SH3BP1: variants seen among roughly 807,000 people sequenced by gnomAD.
SH3BP1 encodes the protein SH3 domain-binding protein 1.
A neutral mutation model predicts 69.8 loss-of-function variants in SH3BP1; 46 were observed. The ratio of observed to expected loss-of-function variants is 0.66; its 90% CI spans 0.52 to 0.84. SH3BP1 has a LOEUF of 0.84. Ranked by LOEUF, SH3BP1 falls within the 40% of genes least tolerant of loss-of-function variation. The probability of loss-of-function intolerance (pLI) is 0.00; values close to 1 mark genes in which losing one functional copy is unlikely to be tolerated. For missense variants in SH3BP1, 868 were observed against 930.9 expected (o/e 0.93, Z 0.88); for synonymous variants, 403 against 378.0 (o/e 1.07, Z -0.77).
In SH3BP1 at chr22:37,647,497, C is replaced by T. The variant is rs1234809958; in HGVS notation, c.1175C>T (p.Pro392Leu). The change falls in exon 13 of 18, where the codon CCC becomes CTC. Residue 392 changes from proline to leucine, a missense_variant. This residue lies in a region of SH3BP1 where 474 missense variants were observed against 462.3 expected (regional missense o/e 1.03). Coordinates refer to ENST00000649765, the MANE Select transcript of SH3BP1 (RefSeq NM_018957.6). ...CTCCAAGAGGTGTGCAGCCGCCTAC[C>T]CCCCGAGAACCTCAGCAACCTCAGG... ...QALQEVCSRL[P>L]PENLSNLRYL... is the part of the protein sequence containing the mutation. 6.2e-7 allele frequency: 1 copy of T among 1,605,800 alleles called. No individual in the cohort carries two copies. Among genetic ancestry groups the T allele is most frequent in the Non-Finnish European group, 8.5e-7 (1 of 1,179,482 alleles).
chr22:37,648,055 A>T (rs1932814802), intron 13 of SH3BP1, among the ~76,000 whole-genome samples: 1 of 152,224 alleles, frequency 6.6e-6, no homozygotes, highest in African/African-American at 2.4e-5. Flanking sequence ...CTGGCTTCAC[A>T]TGCCACCTCT....
rs1379466552 is a variant in SH3BP1 at position 37,641,605 on chromosome 22, G to C, written c.207+127G>C. 1.9e-5 allele frequency: 14 copies of C among 754,278 alleles called. No individual in the cohort carries two copies. In the East Asian group the frequency reaches 3.8e-4, roughly 20 times the overall value. 46.7% of individuals were successfully genotyped at this position (754,278 alleles called of 1,614,324 possible). On this transcript the variant is annotated intron_variant, in intron 3 of 17. Coordinates refer to ENST00000649765, the MANE Select transcript of SH3BP1 (RefSeq NM_018957.6). ...GCACCAAGGGCATGGAGACTGCTCT[G>C]TTCCAAGGCCCCTCTGGCACTGCAC...
chr22:37,641,347 T>G (rs374433697), intron 2 of SH3BP1, 27 bp from the exon 3 acceptor site: 3 of 1,549,684 alleles, frequency 1.9e-6, no homozygotes, highest in Non-Finnish European at 2.6e-6. Flanking sequence ...CCTCTCTTGA[T>G]CCTTAACCTC....
intron 10 of SH3BP1, among the ~76,000 whole-genome samples, chr22:37,645,764 A>G (rs1312872150): frequency 6.6e-6 from 1 of 152,168 alleles, no homozygotes; most frequent in African/African-American, 2.4e-5. Flanking sequence ...ACAGAGGTAG[A>G]GAGGTAACCA....
In SH3BP1 at chr22:37,647,325, T is replaced by C; in HGVS notation, c.1095T>C (p.Tyr365=). 6.2e-7 allele frequency: 1 copy of C among 1,613,878 alleles called. No homozygotes were observed. The change falls in exon 12 of 18, where the codon TAT becomes TAC. Residue 365 remains tyrosine, a synonymous_variant. Transcript: ENST00000649765. ...AGCCTCTGATGACCTTCGACCTCTA[T>C]GATGACTGGATGAGGGCAGCCAGGT... is the stretch of plus-strand genomic sequence containing the variant. The part of the protein sequence containing the change: ...LPEPLMTFDL[Y]DDWMRAASLK...
In SH3BP1 at chr22:37,655,840, C is replaced by A; in HGVS notation, c.*156C>A. 1 of 1,501,502 alleles carries A rather than the reference C, an allele frequency of 6.7e-7. No individual in the cohort carries two copies. The allele number at this position is 1,501,502 out of a possible 1,614,324, so 93.0% of individuals were successfully genotyped here. ...GGGTCGGCCCCCATGGCCAGGAGGGCTCAGGACAATCCTCTATTTCCTGAC... is the reference window on the plus strand; with the variant it reads ...GGGTCGGCCCCCATGGCCAGGAGGGATCAGGACAATCCTCTATTTCCTGAC... On this transcript the variant is annotated 3_prime_UTR_variant, in exon 18 of 18. Coordinates refer to ENST00000649765, the MANE Select transcript of SH3BP1 (RefSeq NM_018957.6).
In SH3BP1 at chr22:37,644,855, C is replaced by G. The variant is rs368692131; in HGVS notation, c.688-15C>G. On this transcript the variant is annotated splice_polypyrimidine_tract_variant and intron_variant, in intron 8 of 17. Coordinates refer to ENST00000649765, the MANE Select transcript of SH3BP1 (RefSeq NM_018957.6). The stretch of plus-strand genomic sequence containing the variant: ...TTCCCCCACTTCCGCTCAGGGTGTC[C>G]CTTCATCCCCACAGCTCCTGGAGAT... The G allele has an allele frequency of 5.9e-5, 95 of 1,613,674 alleles. No individual in the cohort carries two copies. In the African/African-American group the frequency reaches 1.2e-3, roughly 20 times the overall value.
At chr22:37,646,716 G>A in intron 10 of SH3BP1, 102 bp from the exon 11 acceptor site, 1 of 602,668 alleles carries the variant, frequency 1.7e-6, no homozygotes, top group South Asian at 2.8e-5. Flanking sequence ...CGGGGACACA[G>A]GCCTAGCAAA....
chr22:37,648,537 G>T, intron 14 of SH3BP1, 102 bp downstream of exon 14: 1 of 788,042 alleles, frequency 1.3e-6, no homozygotes, highest in South Asian at 1.5e-5. Context: ...CCCATTTTTG[G>T]AGTGGGTTGA....
At chr22:37,642,329 A>C in intron 3 of SH3BP1, 1 of 557,364 alleles carries the variant, frequency 1.8e-6, no homozygotes, top group Non-Finnish European at 3.2e-6. Flanking sequence ...GCTTCTGGGA[A>C]GAGGAAAGGG....
rs766671628 is a variant in SH3BP1 at position 37,655,485 on chromosome 22, G to T, written c.1907G>T (p.Arg636Leu). 8.5e-7 allele frequency: 1 copy of T among 1,172,000 alleles called. No individual in the cohort carries two copies. The highest frequency in any genetic ancestry group is 2.5e-5 in the Admixed American group (1 of 39,366). The allele number at this position is 1,172,000 out of a possible 1,614,324, so 72.6% of individuals were successfully genotyped here. A position where few individuals can be genotyped will look rare whatever the true frequency, so the allele number is the denominator to read the frequency against. ...TPPQPARRQS[R>L]RSPASPSPAS... ...CCTCAGCCTGCCCGGCGCCAAAGCC[G>T]GCGTTCACCAGCCTCCCCCAGCCCG... The change falls in exon 18 of 18, where the codon CGG becomes CTG. Residue 636 changes from arginine (R) to leucine (L), a missense_variant. By Grantham distance (102) the Arg-to-Leu change is moderately radical (BLOSUM62 -2). Transcript: ENST00000649765.
intron 7 of SH3BP1, among the ~76,000 whole-genome samples, chr22:37,643,991 C>T (rs915098262): frequency 1.3e-5 from 2 of 152,230 alleles, no homozygotes; most frequent in Admixed American, 6.5e-5. Flanking sequence ...GAGACTTGGT[C>T]TGTTCCCTGA....
chr22:37,645,166 G>C (rs1932761227), intron 9 of SH3BP1, 199 bp from the exon 10 acceptor site: 2 of 849,856 alleles, frequency 2.4e-6, no homozygotes, highest in African/African-American at 3.5e-5. Flanking sequence ...CTGTGAGGCA[G>C]AAGGAGGCAA....
chr22:37,641,114 C>CCAA lies in SH3BP1; in HGVS notation c.60-12_60-11insCAA. 2.2e-6 allele frequency: 3 copies of CCAA among 1,358,272 alleles called. No individual in the cohort carries two copies. Among genetic ancestry groups the CCAA allele is most frequent in the South Asian group, 1.3e-5 (1 of 76,516 alleles). The allele number at this position is 1,358,272 out of a possible 1,614,324, so 84.1% of individuals were successfully genotyped here. On this transcript the variant is annotated splice_polypyrimidine_tract_variant and intron_variant, in intron 1 of 17. Coordinates refer to ENST00000649765, the MANE Select transcript of SH3BP1 (RefSeq NM_018957.6). ...GAAGCACTCTCCCCCCCCCCCCCAC[C>CCAA]ACTCCCCGCAGCACCCCGGAGACCG... is the stretch of plus-strand genomic sequence containing the variant.
rs1405437594 is a variant in SH3BP1, at chr22:37,650,687, T to TC, written c.1562dup (p.Ala522GlyfsTer16). 1 of 1,613,192 alleles carries TC rather than the reference T, an allele frequency of 6.2e-7. No homozygotes were observed. The highest frequency in any genetic ancestry group is 1.3e-5 in the African/African-American group (1 of 74,874). ...CTCCGGCTCCGGCTCCAGCTCCAGC[T>TC]CCGGCCCCAGCCTTGGCTTCAGCAG... is the stretch of plus-strand genomic sequence containing the variant. On this transcript the variant is annotated frameshift_variant, in exon 16 of 18. Coordinates refer to ENST00000649765, the MANE Select transcript of SH3BP1 (RefSeq NM_018957.6). LOFTEE classifies it high-confidence loss of function.
Position 37,644,723 on chromosome 22 carries a change from C to T in SH3BP1, c.687+18C>T. The T allele has an allele frequency of 6.2e-7, 1 of 1,613,832 alleles. No homozygotes were observed. Among genetic ancestry groups the T allele is most frequent in the South Asian group, 1.1e-5 (1 of 91,084 alleles). On this transcript the variant is annotated intron_variant, in intron 8 of 17. Coordinates refer to ENST00000649765, the MANE Select transcript of SH3BP1 (RefSeq NM_018957.6). ...TCATTCGTGTGAGTCCAAGACCGGG[C>T]CCCAGCCATCCAGAGTTCAGGGGCT...
intron 2 of SH3BP1, 40 bp downstream of exon 2, chr22:37,641,208 G>A (rs1442702891): frequency 3.2e-6 from 5 of 1,546,236 alleles, no homozygotes; most frequent in African/African-American, 1.4e-5. Flanking sequence ...GCAGGCCTGT[G>A]CAGGCTGTCT....
At chr22:37,641,862 C>G (rs1458989745) in intron 3 of SH3BP1, 2 of 219,318 alleles carry the variant, frequency 9.1e-6, no homozygotes, top group African/African-American at 4.7e-5. Context: ...TGGCTGATAA[C>G]CGCCAGCTTG....
intron 13 of SH3BP1, among the ~76,000 whole-genome samples, 164 bp from the exon 14 acceptor site, chr22:37,648,155 A>G (rs547510509): frequency 3.9e-5 from 6 of 152,238 alleles, no homozygotes; most frequent in Non-Finnish European, 5.9e-5. Context: ...AGCTTGGCTC[A>G]GTGCCCACTG....
Sources: gnomAD v4.1 joint callset for allele counts (sites outside exome capture counted in the v4.1 genomes callset) on GRCh38, gnomAD v4.1.1 for gene constraint, gnomAD v4.1.1 regional missense constraint, MANE v1.5 for transcripts, NCBI Gene and HGNC (gene_info 2026-07-23, HGNC 2026-07-21) for gene names.